OTUD7A: variants seen among roughly 807,000 people sequenced by gnomAD.
OTUD7A encodes the protein OTU deubiquitinase 7A.
In OTUD7A, 12 loss-of-function variants were observed where a neutral mutation model predicts 65.7. That is an observed-to-expected ratio of 0.18 (90% CI 0.12 to 0.30). The LOEUF (loss-of-function observed/expected upper bound fraction) is 0.30, where lower values mean the gene tolerates loss of function less well. Among genes scored for constraint, OTUD7A ranks in the 10% least tolerant of loss-of-function variants. The pLI is 1.00. For missense variants in OTUD7A, 1,148 were observed against 1,304.8 expected (o/e 0.88, Z 1.85); for synonymous variants, 641 against 586.3 (o/e 1.09, Z -1.35).
At chr15:31,682,697 T>C (rs981549086) in intron 1 of OTUD7A, among the ~76,000 whole-genome samples, 8 of 152,214 alleles carry the variant, frequency 5.3e-5, no homozygotes, top group African/African-American at 9.6e-5. Flanking sequence ...AAATTAACTC[T>C]GAATGGATCA....
chr15:31,627,090 TTTA>T (rs897663501), intron 3 of OTUD7A, among the ~76,000 whole-genome samples: 4 of 151,790 alleles, frequency 2.6e-5, no homozygotes, highest in African/African-American at 9.7e-5. Flanking sequence ...GGCAACTTCT[TTTA>T]TTATTATTAT....
intron 4 of OTUD7A, 144 bp from the exon 5 acceptor site, chr15:31,559,331 ACAC>A: frequency 2.7e-6 from 2 of 728,816 alleles, no homozygotes; most frequent in Non-Finnish European, 4.4e-6. Context: ...TGCACATACC[ACAC>A]AACACACAAA....
intron 1 of OTUD7A, among the ~76,000 whole-genome samples, chr15:31,750,068 CAAATGG>C (rs1196763327): frequency 6.6e-6 from 1 of 152,162 alleles, no homozygotes; most frequent in African/African-American, 2.4e-5. Context: ...ACGGATGACA[CAAATGG>C]AAATGCATTC....
intron 3 of OTUD7A, among the ~76,000 whole-genome samples, chr15:31,630,718 G>A (rs1365685852): frequency 6.6e-6 from 1 of 152,112 alleles, no homozygotes; most frequent in Non-Finnish European, 1.5e-5. Flanking sequence ...ATGTGTGGGA[G>A]TCTAAGTCTC....
At chr15:31,669,832 C>T (rs1892433973) in intron 1 of OTUD7A, among the ~76,000 whole-genome samples, 1 of 151,888 alleles carries the variant, frequency 6.6e-6, no homozygotes, top group Non-Finnish European at 1.5e-5. Context: ...CCCACTGCTT[C>T]CTCTACCCCT....
chr15:31,605,298 C>T (rs1029559553), intron 3 of OTUD7A, among the ~76,000 whole-genome samples: 3 of 152,102 alleles, frequency 2.0e-5, no homozygotes, highest in African/African-American at 4.8e-5. Flanking sequence ...CTCCCTCTAT[C>T]GCAGCCACAG....
chr15:31,552,904 G>A (rs1268939424), intron 5 of OTUD7A, among the ~76,000 whole-genome samples: 2 of 152,218 alleles, frequency 1.3e-5, no homozygotes, highest in Non-Finnish European at 2.9e-5. Context: ...ATGGTCCCAG[G>A]TAGCTAGGAG....
intron 3 of OTUD7A, among the ~76,000 whole-genome samples, chr15:31,596,186 G>C (rs187878656): frequency 6.6e-6 from 1 of 152,272 alleles, no homozygotes; most frequent in African/African-American, 2.4e-5. Context: ...GTAGAATCTT[G>C]TCTTCTACAT....
At chr15:31,805,225 G>T (rs564379691) in intron 1 of OTUD7A, among the ~76,000 whole-genome samples, 14 of 152,366 alleles carry the variant, frequency 9.2e-5, no homozygotes, top group African/African-American at 3.4e-4. Context: ...GCCAAGTGCT[G>T]AGGGAGGAGT....
chr15:31,495,207 G>A (rs780189281), intron 10 of OTUD7A, among the ~76,000 whole-genome samples: 4 of 152,230 alleles, frequency 2.6e-5, no homozygotes, highest in Non-Finnish European at 4.4e-5. Context: ...GGAGTTAACT[G>A]TGGCTGGCAT....
Position 31,481,792 on chromosome 15 carries a change from C to G in OTUD7A, c.*1502G>C, listed in dbSNP as rs1376146446. ...GCTCTTTAGTTAGGGAAAAAAGCAT[C>G]GTTTCTAGAGGAGAAGCTGGCTCCA... On this transcript the variant is annotated 3_prime_UTR_variant, in exon 13 of 13. Transcript: ENST00000307050. The G allele has an allele frequency of 6.6e-6, 1 of 152,220 alleles. No homozygotes were observed. The highest frequency in any genetic ancestry group is 1.5e-5 in the Non-Finnish European group (1 of 67,976). 9.4% of individuals were successfully genotyped at this position (152,220 alleles called of 1,614,324 possible).
intron 9 of OTUD7A, among the ~76,000 whole-genome samples, chr15:31,502,083 A>ACT (rs1283385388): frequency 9.8e-5 from 15 of 152,334 alleles, no homozygotes; most frequent in African/African-American, 3.6e-4. Flanking sequence ...CTGGGATGAC[A>ACT]GTCACCCGAG....
At chr15:31,801,127 C>A (rs2096295628) in intron 1 of OTUD7A, among the ~76,000 whole-genome samples, 1 of 151,768 alleles carries the variant, frequency 6.6e-6, no homozygotes, top group Admixed American at 6.6e-5. Flanking sequence ...CCAGAAACTC[C>A]ACACTGCAAC....
intron 1 of OTUD7A, among the ~76,000 whole-genome samples, chr15:31,741,186 A>T (rs1894332922): frequency 6.6e-6 from 1 of 152,228 alleles, no homozygotes; most frequent in African/African-American, 2.4e-5. Context: ...ACTTAAAAAG[A>T]TAACTAGCAA....
chr15:31,531,807 C>T (rs188077532), intron 5 of OTUD7A, among the ~76,000 whole-genome samples: 6 of 152,310 alleles, frequency 3.9e-5, no homozygotes, highest in Admixed American at 2.6e-4. Context: ...AAGACCTCAA[C>T]CCCACTGGGT....
chr15:31,651,072 C>A (rs1891820860), intron 3 of OTUD7A, among the ~76,000 whole-genome samples: 1 of 127,774 alleles, frequency 7.8e-6, no homozygotes, highest in Non-Finnish European at 1.6e-5. Flanking sequence ...TTGAACAGAA[C>A]CATAGAGACC....
intron 1 of OTUD7A, among the ~76,000 whole-genome samples, chr15:31,779,835 T>C (rs1461189857): frequency 6.6e-6 from 1 of 152,066 alleles, no homozygotes; most frequent in Admixed American, 6.5e-5. Flanking sequence ...TCCTCCTGGA[T>C]CTGTTGTCGG....
At chr15:31,862,258 C>T (rs1292957408) in intron 1 of OTUD7A, among the ~76,000 whole-genome samples, 1 of 152,210 alleles carries the variant, frequency 6.6e-6, no homozygotes, top group Admixed American at 6.5e-5. Context: ...AATGATCCTG[C>T]CCAATGAGCC....
intron 1 of OTUD7A, among the ~76,000 whole-genome samples, chr15:31,839,425 G>T (rs908044816): frequency 6.6e-6 from 1 of 152,166 alleles, no homozygotes; most frequent in Non-Finnish European, 1.5e-5. Flanking sequence ...TAAAAGAGTG[G>T]ACTGGCTGTG....
Sources: allele counts gnomAD v4.1 joint callset (sites outside exome capture counted in the v4.1 genomes callset), GRCh38; gene constraint gnomAD v4.1.1; transcripts MANE v1.5; gene names NCBI Gene and HGNC (gene_info 2026-07-23, HGNC 2026-07-21).